Variants in BAZ2B observed in about 807,000 individuals in gnomAD.
BAZ2B encodes the protein bromodomain adjacent to zinc finger domain 2B.
BAZ2B carries 91 observed loss-of-function variants against 246.0 expected under a neutral mutation model. The ratio of observed to expected loss-of-function variants is 0.37; its 90% CI spans 0.31 to 0.44. BAZ2B has a LOEUF of 0.44. Among genes scored for constraint, BAZ2B ranks in the 20% least tolerant of loss-of-function variants. The pLI is 1.00. For synonymous variants in BAZ2B, 855 were observed against 860.0 expected (o/e 0.99, Z 0.10); for missense variants, 2,332 against 2,533.7 (o/e 0.92, Z 1.71).
chr2:159,496,461 T>C (rs1486621512), intron 2 of BAZ2B, among the ~76,000 whole-genome samples: 2 of 134,186 alleles, frequency 1.5e-5, no homozygotes, highest in Admixed American at 1.6e-4. Context: ...CACTCCAGCC[T>C]GAGCAACAGA....
rs1272425072 is a variant in BAZ2B at position 159,479,124 on chromosome 2, T to C, written c.-2-403A>G. Among the ~76,000 whole-genome samples, 4 of 152,148 alleles carry C rather than the reference T, an allele frequency of 2.6e-5. No homozygotes were observed. In the East Asian group the frequency reaches 7.7e-4, roughly 29 times the overall value. On this transcript the variant is annotated intron_variant, in intron 2 of 36. Transcript: ENST00000392783. ...AAAAAACACCACCACATTTGAATGG[T>C]CTGCCCCCTTATCTTCTAAATACAG...
intron 5 of BAZ2B, among the ~76,000 whole-genome samples, chr2:159,448,002 A>T (rs2074494974): frequency 6.6e-6 from 1 of 151,956 alleles, no homozygotes; most frequent in Non-Finnish European, 1.5e-5. Flanking sequence ...ATAGTGGTAC[A>T]TGACTGTAGT....
chr2:159,615,868 G>C (rs1248050794), intron 1 of BAZ2B: 2 of 152,418 alleles, frequency 1.3e-5, no homozygotes, highest in East Asian at 1.9e-4. Flanking sequence ...GCCCGGCCGG[G>C]AGCACAACCC....
At chr2:159,610,444 G>A (rs1473583366) in intron 1 of BAZ2B, among the ~76,000 whole-genome samples, 11 of 152,158 alleles carry the variant, frequency 7.2e-5, no homozygotes, top group African/African-American at 2.7e-4. Context: ...TCTGCCCTCA[G>A]CAGGAGTGCA....
chr2:159,360,304 C>T (rs554274539), intron 27 of BAZ2B, among the ~76,000 whole-genome samples: 2 of 152,266 alleles, frequency 1.3e-5, no homozygotes, highest in Non-Finnish European at 2.9e-5. Context: ...TTCCTATCCA[C>T]CAATAATAGA....
At chr2:159,365,291 T>C (rs3771689) in intron 27 of BAZ2B, among the ~76,000 whole-genome samples, 117,411 of 151,928 alleles carry the variant, frequency 0.77, 46,395 homozygotes, top group Middle Eastern at 0.89. Flanking sequence ...GTACCCATCC[T>C]TTTAACAATG....
At chr2:159,469,856 A>G (rs2077558670) in intron 3 of BAZ2B, among the ~76,000 whole-genome samples, 1 of 152,224 alleles carries the variant, frequency 6.6e-6, no homozygotes, top group Non-Finnish European at 1.5e-5. Flanking sequence ...AGTGAATTCT[A>G]CCAAACATTT....
At chr2:159,427,842 TAAAG>T in intron 13 of BAZ2B, 95 bp downstream of exon 13, 1 of 929,318 alleles carries the variant, frequency 1.1e-6, no homozygotes, top group Non-Finnish European at 1.7e-6. Context: ...ATGAACTAAT[TAAAG>T]AAAGGCAATG....
At chr2:159,513,485 C>T (rs1347329075) in intron 2 of BAZ2B, among the ~76,000 whole-genome samples, 1 of 152,132 alleles carries the variant, frequency 6.6e-6, no homozygotes, top group African/African-American at 2.4e-5. Context: ...TTTGGTCTAC[C>T]ACATCCAAAG....
intron 13 of BAZ2B, among the ~76,000 whole-genome samples, chr2:159,425,163 A>G (rs1403931102): frequency 6.6e-6 from 1 of 152,108 alleles, no homozygotes; most frequent in Non-Finnish European, 1.5e-5. Context: ...ATTTAGTTTT[A>G]AAAGACAGGA....
At chr2:159,538,965 A>C (rs1457082021) in intron 2 of BAZ2B, among the ~76,000 whole-genome samples, 1 of 152,236 alleles carries the variant, frequency 6.6e-6, no homozygotes, top group East Asian at 1.9e-4. Context: ...TTTTCCTATA[A>C]AGTTGGAAAA....
chr2:159,630,600 C>A, the BAZ2B span, among the ~76,000 whole-genome samples: 1 of 150,692 alleles, frequency 6.6e-6, no homozygotes, highest in African/African-American at 2.5e-5. Context: ...GTGGCGCAAT[C>A]TCGGCTCACT....
intron 2 of BAZ2B, among the ~76,000 whole-genome samples, chr2:159,501,184 T>TA (rs1482141738): frequency 2.5e-5 from 2 of 80,802 alleles, no homozygotes; most frequent in Admixed American, 1.5e-4. Context: ...TTATATATAT[T>TA]TATATATAAT....
intron 4 of BAZ2B, among the ~76,000 whole-genome samples, chr2:159,452,041 T>C (rs184079570): frequency 1.3e-5 from 2 of 152,184 alleles, no homozygotes; most frequent in Non-Finnish European, 2.9e-5. Flanking sequence ...TAAACAACCA[T>C]GCTAGAAACT....
rs530271421 is a variant in BAZ2B, at chr2:159,565,691, C to T, written c.-45-9826G>A. Among the ~76,000 whole-genome samples, 9 of 149,612 alleles carry T rather than the reference C, an allele frequency of 6.0e-5. No individual in the cohort carries two copies. In the South Asian group the frequency reaches 1.3e-3, roughly 21 times the overall value. On this transcript the variant is annotated intron_variant, in intron 1 of 36. Transcript: ENST00000392783. ...ACTTCGGAGGCTGAGGCAAGAGAAT[C>T]GCTTGAATCCGGGAGGGCGAGTTTG...
intron 16 of BAZ2B, among the ~76,000 whole-genome samples, chr2:159,402,132 A>G (rs1165637756): frequency 2.0e-5 from 3 of 152,142 alleles, no homozygotes; most frequent in African/African-American, 7.2e-5. Context: ...CTGAATATTA[A>G]TTGTAGGCTG....
At chr2:159,501,515 C>T (rs1022696949) in intron 2 of BAZ2B, among the ~76,000 whole-genome samples, 2 of 151,266 alleles carry the variant, frequency 1.3e-5, no homozygotes, top group Admixed American at 1.3e-4. Flanking sequence ...TTTAGTATTT[C>T]TACAAAGTAA....
chr2:159,635,607 C>CTT, the BAZ2B span, among the ~76,000 whole-genome samples: 4 of 144,072 alleles, frequency 2.8e-5, no homozygotes, highest in Admixed American at 6.9e-5. Flanking sequence ...TAATTTGTTT[C>CTT]TTTTTTTTTT....
At chr2:159,667,774 A>G in the BAZ2B span, among the ~76,000 whole-genome samples, 1 of 152,056 alleles carries the variant, frequency 6.6e-6, no homozygotes, top group Admixed American at 6.6e-5. Context: ...CATTTTGCCA[A>G]TAACAAATAG....
Sources: allele counts gnomAD v4.1 joint callset (sites outside exome capture counted in the v4.1 genomes callset), GRCh38; gene constraint gnomAD v4.1.1; transcripts MANE v1.5; gene names NCBI Gene and HGNC (gene_info 2026-07-23, HGNC 2026-07-21).